The following KLHL13 variants were observed in gnomAD, a reference collection of about 807,000 sequenced individuals.
KLHL13 encodes the protein kelch-like protein 13.
Under a neutral mutation model 37.1 loss-of-function variants are expected in KLHL13, and 10 were observed. The ratio of observed to expected loss-of-function variants is 0.27; its 90% CI spans 0.17 to 0.46. KLHL13 has a LOEUF of 0.46. Among genes scored for constraint, KLHL13 ranks in the 20% least tolerant of loss-of-function variants. The pLI is 1.00. For missense variants in KLHL13, 360 were observed against 509.3 expected, an observed-to-expected ratio of 0.71 and a Z score of 2.82; for synonymous variants, 163 against 181.2, an observed-to-expected ratio of 0.90 and a Z score of 0.81.
intron 1 of KLHL13, among the ~76,000 whole-genome samples, chrX:117,969,600 A>T (rs184860919): frequency 1.0e-3 from 114 of 111,431 alleles, no homozygotes; most frequent in Admixed American, 2.3e-3. Context: ...TTCTATCAAG[A>T]CAATCCCTTC....
At chrX:117,999,807 T>A (rs2053899441) in intron 1 of KLHL13, among the ~76,000 whole-genome samples, 2 of 111,091 alleles carry the variant, frequency 1.8e-5, no homozygotes, top group African/African-American at 6.5e-5. Context: ...GGCCAATAAA[T>A]AAATAACTGG....
At chrX:118,066,346 A>G (rs890511566) in intron 1 of KLHL13, among the ~76,000 whole-genome samples, 1 of 112,108 alleles carries the variant, frequency 8.9e-6, no homozygotes, top group African/African-American at 3.2e-5. Context: ...GGGTCAAAAG[A>G]GCTTAAATGT....
At chrX:117,994,187 T>C (rs2053827885) in intron 1 of KLHL13, among the ~76,000 whole-genome samples, 1 of 111,416 alleles carries the variant, frequency 9.0e-6, no homozygotes, top group Admixed American at 9.5e-5. Context: ...TAGAGTTTAG[T>C]TTAATTTCTT....
At chrX:118,012,687 G>A (rs2054083739) in intron 1 of KLHL13, among the ~76,000 whole-genome samples, 2 of 100,720 alleles carry the variant, frequency 2.0e-5, no homozygotes, top group African/African-American at 3.6e-5. Flanking sequence ...GGGGGCGGGG[G>A]CAGGGGGCGG....
Position 118,008,765 on chromosome X carries a change from T to A in KLHL13, c.-55-63190A>T, listed in dbSNP as rs1176821729. 2.7e-5 allele frequency among the ~76,000 whole-genome samples: 3 copies of A among 111,476 alleles called. No homozygotes were observed. In the East Asian group the frequency reaches 8.5e-4, roughly 31 times the overall value. On this transcript the variant is annotated intron_variant, in intron 1 of 6. Coordinates refer to the KLHL13 transcript ENST00000371882. ...GACTCTGGAGCTAGACTTCCTGCAT[T>A]TGAACCCTGGATCCATGCTTATTTA...
At chrX:118,101,176 A>G (rs2148175284) in intron 1 of KLHL13, among the ~76,000 whole-genome samples, 1 of 111,830 alleles carries the variant, frequency 8.9e-6, no homozygotes, top group South Asian at 3.7e-4. Context: ...AAATTATTTT[A>G]TTTTATCAAT....
At chrX:117,965,342 T>C (rs1010624427) in intron 1 of KLHL13, among the ~76,000 whole-genome samples, 1 of 112,254 alleles carries the variant, frequency 8.9e-6, no homozygotes, top group Non-Finnish European at 1.9e-5. Flanking sequence ...TGGCCAGTGA[T>C]GATGAGCATT....
chrX:118,037,000 C>T (rs1388220932), intron 1 of KLHL13, among the ~76,000 whole-genome samples: 1 of 91,642 alleles, frequency 1.1e-5, no homozygotes, highest in African/African-American at 4.1e-5. Flanking sequence ...AAAATGCTCA[C>T]CATCACTGGC....
intron 1 of KLHL13, among the ~76,000 whole-genome samples, chrX:118,050,078 G>C (rs976617270): frequency 9.0e-6 from 1 of 111,484 alleles, no homozygotes; most frequent in South Asian, 3.9e-4. Flanking sequence ...AGACAGGAGA[G>C]TCTCACTATA....
chrX:117,964,949 G>T (rs1190977278), intron 1 of KLHL13, among the ~76,000 whole-genome samples: 1 of 111,625 alleles, frequency 9.0e-6, no homozygotes, highest in African/African-American at 3.3e-5. Flanking sequence ...AGTATTCCAT[G>T]GTGTATATGT....
At chrX:117,949,511 T>C (rs1933481419) in intron 1 of KLHL13, among the ~76,000 whole-genome samples, 1 of 111,543 alleles carries the variant, frequency 9.0e-6, no homozygotes, top group Non-Finnish European at 1.9e-5. Flanking sequence ...TTCATTATAG[T>C]AAATATGTTT....
At chrX:117,938,849 GC>G (rs1932896427) in intron 2 of KLHL13, among the ~76,000 whole-genome samples, 1 of 110,702 alleles carries the variant, frequency 9.0e-6, no homozygotes, top group Admixed American at 9.7e-5. Flanking sequence ...CATTTACACA[GC>G]TTTTTTTTGA....
chrX:118,114,601 C>T (rs1184267389), intron 1 of KLHL13, among the ~76,000 whole-genome samples: 1 of 112,104 alleles, frequency 8.9e-6, no homozygotes, highest in Non-Finnish European at 1.9e-5. Context: ...AAGAAAATTA[C>T]AGACTTAGAA....
Position 117,987,211 on chromosome X carries a change from G to A in KLHL13, c.-55-41636C>T, listed in dbSNP as rs770903242. Among the ~76,000 whole-genome samples the A allele has an allele frequency of 2.7e-5, 3 of 111,300 alleles. No individual in the cohort carries two copies. The South Asian group carries it at 1.1e-3, about 42-fold the overall frequency. On this transcript the variant is annotated intron_variant, in intron 1 of 6. Coordinates refer to the KLHL13 transcript ENST00000371882. ...CTTTGGAAAAATAGAGCTGTAAGTG[G>A]AGAGAAATTGTGATTGTGCTTTACT...
At chrX:118,069,853 T>C (rs1244210916) in intron 1 of KLHL13, among the ~76,000 whole-genome samples, 1 of 112,331 alleles carries the variant, frequency 8.9e-6, no homozygotes, top group Non-Finnish European at 1.9e-5. Context: ...AATAATATCC[T>C]AGGCATTCAC....
chrX:117,908,618 C>T (rs189934478), intron 5 of KLHL13, among the ~76,000 whole-genome samples: 1 of 111,657 alleles, frequency 9.0e-6, no homozygotes, highest in Non-Finnish European at 1.9e-5. Flanking sequence ...GGTTAATTTA[C>T]ATAGCCAAAG....
chrX:118,055,381 T>C (rs1187692713), intron 1 of KLHL13, among the ~76,000 whole-genome samples: 1 of 112,321 alleles, frequency 8.9e-6, no homozygotes, highest in Non-Finnish European at 1.9e-5. Flanking sequence ...AATCTTGGCA[T>C]GGCATCTTAA....
At chrX:118,030,979 G>C (rs1050858863) in intron 1 of KLHL13, among the ~76,000 whole-genome samples, 2 of 111,544 alleles carry the variant, frequency 1.8e-5, no homozygotes, top group African/African-American at 6.5e-5. Context: ...TCTGAGTCTG[G>C]GATATTCTTA....
intron 1 of KLHL13, among the ~76,000 whole-genome samples, chrX:117,981,449 T>C (rs2053661078): frequency 1.8e-5 from 2 of 112,329 alleles, no homozygotes; most frequent in Non-Finnish European, 3.8e-5. Flanking sequence ...ACTTCCTTTC[T>C]ATGTCTGTCT....
Sources: gnomAD v4.1 joint callset for allele counts (sites outside exome capture counted in the v4.1 genomes callset) on GRCh38, gnomAD v4.1.1 for gene constraint, MANE v1.5 for transcripts, NCBI Gene and HGNC (gene_info 2026-07-23, HGNC 2026-07-21) for gene names.